The following TUB variants were observed in gnomAD, a reference collection of about 807,000 sequenced individuals.
TUB encodes the protein tubby protein homolog.
In TUB, 33 loss-of-function variants were observed where a neutral mutation model predicts 59.7. The observed-to-expected ratio is 0.55, with a 90% confidence interval of 0.42 to 0.74. TUB has a LOEUF of 0.74. Among genes scored for constraint, TUB ranks in the 30% least tolerant of loss-of-function variants. The pLI is 0.00. For synonymous variants in TUB, 293 were observed against 256.4 expected (o/e 1.14, Z -1.36); for missense variants, 659 against 672.0 (o/e 0.98, Z 0.21).
intron 3 of TUB, 77 bp from the exon 4 acceptor site, chr11:8,093,964 CTGGGG>C (rs1311494789): frequency 1.1e-4 from 173 of 1,562,690 alleles, no homozygotes; most frequent in Non-Finnish European, 1.5e-4. Flanking sequence ...AAATGCTGTG[CTGGGG>C]ACTGTGTTCA....
At chr11:8,038,856 C>T (rs1942691119) in exon 1 of TUB, 3 of 1,613,214 alleles carry the variant, frequency 1.9e-6, no homozygotes, top group South Asian at 1.1e-5. Context: ...CTTAAACCCA[C>T]TCCATCCTGT....
exon 1 of TUB, chr11:8,038,994 C>T (rs757257102): frequency 3.1e-6 from 5 of 1,613,828 alleles, no homozygotes; most frequent in East Asian, 2.2e-5. Context: ...GCACAGGAAA[C>T]CTGGGCCCCT....
Position 8,067,615 on chromosome 11 carries a change from G to T in TUB, c.204-21995G>T, listed in dbSNP as rs1001131952. The T allele has an allele frequency of 6.6e-5, 10 of 152,210 alleles. No homozygotes were observed. In the South Asian group the frequency reaches 2.1e-3, roughly 31 times the overall value. The allele number at this position is 152,210 out of a possible 1,614,324, so 9.4% of individuals were successfully genotyped here. ...AAACTCCTGTTTTCTTCCAGGCACT[G>T]TACTAGGCACTGGGGATACAGCAGG... On this transcript the variant is annotated intron_variant, in intron 2 of 12. Transcript: ENST00000305253.
At chr11:8,098,923 T>C (rs758398979) in intron 9 of TUB, 48 bp downstream of exon 9, 22 of 1,396,038 alleles carry the variant, frequency 1.6e-5, no homozygotes, top group Non-Finnish European at 1.8e-5. Flanking sequence ...AGATATGAAA[T>C]CCAGGACTTG....
chr11:8,083,447 C>T (rs900813567), intron 1 of TUB, among the ~76,000 whole-genome samples: 2 of 152,134 alleles, frequency 1.3e-5, no homozygotes, highest in Admixed American at 6.5e-5. Context: ...GAAAATATGC[C>T]TCAAACGGAA....
intron 8 of TUB, among the ~76,000 whole-genome samples, 165 bp from the exon 9 acceptor site, chr11:8,098,593 G>T (rs554408388): frequency 6.6e-6 from 1 of 152,174 alleles, no homozygotes. Flanking sequence ...TTCTGCCCAC[G>T]AAGTGTCTTC....
chr11:8,085,309 G>C (rs1943644777), intron 1 of TUB, among the ~76,000 whole-genome samples: 1 of 152,256 alleles, frequency 6.6e-6, no homozygotes, highest in African/African-American at 2.4e-5. Context: ...TTCCCCAGCA[G>C]TTCTGAATGA....
chr11:8,064,603 C>T (rs967522898), intron 2 of TUB, among the ~76,000 whole-genome samples: 2 of 152,152 alleles, frequency 1.3e-5, no homozygotes, highest in Non-Finnish European at 2.9e-5. Context: ...TGTTAGGGAA[C>T]TTTGACGTAA....
chr11:8,046,185 G>T (rs1449072003), intron 2 of TUB, among the ~76,000 whole-genome samples: 1 of 152,142 alleles, frequency 6.6e-6, no homozygotes, highest in Non-Finnish European at 1.5e-5. Flanking sequence ...GGCACTTGCA[G>T]GGTTCACTTT....
At chr11:8,024,236 G>A (rs780363188) in intron 1 of TUB, among the ~76,000 whole-genome samples, 2 of 152,280 alleles carry the variant, frequency 1.3e-5, no homozygotes, top group Non-Finnish European at 2.9e-5. Context: ...ACTCTAGCCC[G>A]GCGTGGATCA....
At position 8,081,530 on chromosome 11, in the gene TUB, C is replaced by T; in HGVS notation, c.20C>T (p.Ser7Phe). The change falls in exon 1 of 12, where the codon TCC becomes TTC. Residue 7 changes from serine (S) to phenylalanine (F), a missense_variant. Transcript: ENST00000299506. The stretch of plus-strand genomic sequence containing the variant: ...AGAGACATGACTTCCAAGCCGCATT[C>T]CGACTGGATTCCCTACAGGTACGCG... MTSKPH[S>F]DWIPYSVLDD... The T allele has an allele frequency of 6.4e-7, 1 of 1,552,600 alleles. No homozygotes were observed. The highest frequency in any genetic ancestry group is 8.7e-7 in the Non-Finnish European group (1 of 1,155,262).
Position 8,081,498 on chromosome 11 carries a change from GC to G in TUB, c.-8del. The G allele has an allele frequency of 3.9e-6, 6 of 1,525,610 alleles. No individual in the cohort carries two copies. Among genetic ancestry groups the G allele is most frequent in the South Asian group, 1.2e-5 (1 of 82,214 alleles). 94.5% of individuals were successfully genotyped at this position (1,525,610 alleles called of 1,614,324 possible). ...CCTCCAGAGCCGCAGCCACCGCCCC[GC>G]CCCCGAGAGACATGACTTCCAAGCC... is the stretch of plus-strand genomic sequence containing the variant. On this transcript the variant is annotated 5_prime_UTR_variant, in exon 1 of 12. Transcript: ENST00000299506.
chr11:8,068,624 G>A (rs1415371902), intron 2 of TUB: 2 of 152,214 alleles, frequency 1.3e-5, no homozygotes, highest in African/African-American at 4.8e-5. Flanking sequence ...TACCTTTACT[G>A]AGCTCTGTAT....
exon 1 of TUB, chr11:8,038,786 G>T (rs368811787): frequency 1.3e-6 from 2 of 1,544,106 alleles, no homozygotes; most frequent in African/African-American, 1.4e-5. Context: ...GTACTGAGGC[G>T]AATACAGGGA....
chr11:8,101,439 A>G (rs1944298775), intron 11 of TUB, 47 bp from the exon 12 acceptor site: 2 of 1,608,760 alleles, frequency 1.2e-6, no homozygotes, highest in Non-Finnish European at 1.7e-6. Context: ...TGGCTCTACC[A>G]TTCCTGTCCT....
At chr11:8,077,673 T>TC (rs1043271571), upstream of TUB, 4 of 152,338 alleles carry the variant, frequency 2.6e-5, no homozygotes, top group South Asian at 2.1e-4. Flanking sequence ...TAACCTTATC[T>TC]CCCCCCTTCT....
intron 8 of TUB, 64 bp from the exon 9 acceptor site, chr11:8,098,694 T>G: frequency 1.6e-6 from 2 of 1,265,506 alleles, no homozygotes; most frequent in Non-Finnish European, 2.3e-6. Flanking sequence ...GGACAGACGA[T>G]GAGCTGTTCC....
rs1273403058 is a variant in TUB, at chr11:8,081,331, C to T, written c.-180C>T. 3.1e-6 allele frequency: 3 copies of T among 978,630 alleles called. No homozygotes were observed. The highest frequency in any genetic ancestry group is 3.5e-5 in the African/African-American group (2 of 56,844). The allele number at this position is 978,630 out of a possible 1,614,324, so 60.6% of individuals were successfully genotyped here. A position where few individuals can be genotyped will look rare whatever the true frequency, so the allele number is the denominator to read the frequency against. ...ATCTCGCCTCGCCGCGCCGCGCAGG[C>T]AGCCGCTCGCAGAGCCAGCAGCCGG... On this transcript the variant is annotated 5_prime_UTR_variant, in exon 1 of 12. Transcript: ENST00000299506.
At chr11:8,092,022 C>T (rs1013608768) in intron 3 of TUB, among the ~76,000 whole-genome samples, 1 of 152,226 alleles carries the variant, frequency 6.6e-6, no homozygotes. Context: ...AGGCCAACAT[C>T]GTGAGAGGTC....
Sources: gnomAD v4.1 joint callset for allele counts (sites outside exome capture counted in the v4.1 genomes callset) on GRCh38, gnomAD v4.1.1 for gene constraint, MANE v1.5 for transcripts, NCBI Gene and HGNC (gene_info 2026-07-23, HGNC 2026-07-21) for gene names.